PLEC: variants seen among roughly 807,000 people sequenced by gnomAD.
PLEC encodes the protein plectin, also known as hemidesmosomal protein 1.
PLEC carries 216 observed loss-of-function variants against 392.8 expected under a neutral mutation model. That is an observed-to-expected ratio of 0.55 (90% CI 0.49 to 0.62). The LOEUF (loss-of-function observed/expected upper bound fraction) is 0.62, where lower values mean the gene tolerates loss of function less well. PLEC is among the 20% of genes least tolerant of loss of function. PLEC has a pLI of 0.00. For synonymous variants in PLEC, 3,621 were observed against 2,980.6 expected, an observed-to-expected ratio of 1.21 and a Z score of -7.00; for missense variants, 6,863 against 6,563.4, an observed-to-expected ratio of 1.05 and a Z score of -1.58.
In PLEC at chr8:143,918,980, G is replaced by C. The variant is rs1554676787; in HGVS notation, c.10841C>G (p.Thr3614Ser). 6.2e-7 allele frequency: 1 copy of C among 1,611,046 alleles called. No individual in the cohort carries two copies. The highest frequency in any genetic ancestry group is 8.5e-7 in the Non-Finnish European group (1 of 1,179,992). ...GATGATGATGATCATGCGTTCCTTG[G>C]TCACCCGGCCGGCCTGGAAGTCAGC... ...LMADFQAGRV[T>S]KERMIIIIIE... Residue 3614 changes from threonine (T) to serine (S), a missense_variant, in exon 32 of 32, where the codon ACC becomes AGC. By Grantham distance (58) the Thr-to-Ser change is moderately conservative. Coordinates refer to ENST00000345136, the MANE Select transcript of PLEC (RefSeq NM_201384.3).
chr8:143,940,565 G>A (rs1406833494), upstream of PLEC, among the ~76,000 whole-genome samples: 7 of 152,168 alleles, frequency 4.6e-5, no homozygotes, highest in South Asian at 2.1e-4. Flanking sequence ...GGTCCGGGGC[G>A]GAGCTGCCTC....
intron 1 of PLEC, among the ~76,000 whole-genome samples, chr8:143,967,158 T>C (rs1454227500): frequency 6.6e-6 from 1 of 151,218 alleles, no homozygotes; most frequent in Non-Finnish European, 1.5e-5. Flanking sequence ...GGTCAGGAGA[T>C]CGAGACTGTC....
chr8:143,973,300 C>T lies in PLEC; in HGVS notation c.70+103G>A. The T allele has an allele frequency of 7.0e-7, 1 of 1,430,734 alleles. No individual in the cohort carries two copies. Among genetic ancestry groups the T allele is most frequent in the Non-Finnish European group, 9.5e-7 (1 of 1,056,016 alleles). The allele number at this position is 1,430,734 out of a possible 1,614,324, so 88.6% of individuals were successfully genotyped here. A position where few individuals can be genotyped will look rare whatever the true frequency, so the allele number is the denominator to read the frequency against. On this transcript the variant is annotated intron_variant, in intron 1 of 31. Transcript: ENST00000356346. This position sits in a 1 kb window ranked among gnomAD's most constrained non-coding sequence, Gnocchi z 5.6. Reference sequence around the variant, plus strand: ...CAGGCGGACGAGGCCGGCGGAGTGGCCGCGCTCGGGCCGGCGATCGGGACC... The same window carrying T: ...CAGGCGGACGAGGCCGGCGGAGTGGTCGCGCTCGGGCCGGCGATCGGGACC...
At chr8:143,975,022 G>A (rs534747164), upstream of PLEC, among the ~76,000 whole-genome samples, 1 of 152,302 alleles carries the variant, frequency 6.6e-6, no homozygotes, top group Non-Finnish European at 1.5e-5. This position sits in a 1 kb window ranked among gnomAD's most constrained non-coding sequence, Gnocchi z 9.9. Flanking sequence ...GCGCTGTGCC[G>A]CCTGCACTCA....
rs781955123 is a variant in PLEC at position 143,924,446 on chromosome 8, C to G, written c.5483G>C (p.Arg1828Pro). 2.6e-6 allele frequency: 4 copies of G among 1,558,744 alleles called. 1 individual carries two copies. In the Admixed American group the frequency reaches 7.2e-5, roughly 28 times the overall value. Residue 1828 changes from arginine (R) to proline (P), a missense_variant, in exon 31 of 32, where the codon CGG becomes CCG. Coordinates refer to ENST00000345136, the MANE Select transcript of PLEC (RefSeq NM_201384.3). Reference protein sequence around the residue: ...QLAEEDAARQRAEAERVLAEK... With the variant: ...QLAEEDAARQPAEAERVLAEK... ...CGCAAGCACCCGCTCCGCCTCGGCC[C>G]GCTGCCGCGCCGCGTCTTCCTCGGC...
In PLEC at chr8:143,929,545, G is replaced by A. The variant is rs201454700; in HGVS notation, c.2950C>T (p.Arg984Cys). The A allele has an allele frequency of 1.7e-5, 28 of 1,612,606 alleles. 1 individual carries two copies. The East Asian group carries it at 2.9e-4, about 17-fold the overall frequency. The stretch of plus-strand genomic sequence containing the variant: ...ATGTCTTTGAGCTCGGAGATGCAGC[G>A]CTGGCAGCGAGACTCTTCCTGTGCA... Reference protein sequence around the residue: ...QGAQEESRCQRCISELKDIRL... With the variant: ...QGAQEESRCQCCISELKDIRL... Residue 984 changes from arginine (R) to cysteine (C), a missense_variant, in exon 24 of 32, where the codon CGC becomes TGC. Physicochemically the swap from Arg to Cys is radical, Grantham distance 180 (BLOSUM62 -3). Transcript: ENST00000345136.
chr8:143,918,256 G>C lies in PLEC; in HGVS notation c.11565C>G (p.Leu3855=), dbSNP rs782285887. The C allele has an allele frequency of 3.6e-5, 58 of 1,592,014 alleles. No homozygotes were observed. The highest frequency in any genetic ancestry group is 4.9e-5 in the Non-Finnish European group (58 of 1,176,442). Residue 3855 remains leucine (L), a synonymous_variant, in exon 32 of 32, where the codon CTC becomes CTG. Coordinates refer to ENST00000345136, the MANE Select transcript of PLEC (RefSeq NM_201384.3). ...ACCGCCTGAGCAGCTGCGTGTAGCT[G>C]AGGCGCTCGTCGGTGGACGGGTCCA... ...SYVDPSTDER[L]SYTQLLRRCR...
chr8:143,925,727 A>T lies in PLEC; in HGVS notation c.4202T>A (p.Val1401Glu). ...CACCGCCGCCTCCTCCCGCCGCACCACCTCCTCCTGCATGCGCTGCTGCAG... is the reference window on the plus strand; with the variant it reads ...CACCGCCGCCTCCTCCCGCCGCACCTCCTCCTCCTGCATGCGCTGCTGCAG... The part of the protein sequence containing the change: ...KELQQRMQEE[V>E]VRREEAAVDA... The change falls in exon 31 of 32, where the codon GTG becomes GAG. Residue 1401 changes from valine (V) to glutamate (E), a missense_variant. Transcript: ENST00000345136. The T allele has an allele frequency of 6.3e-7, 1 of 1,593,318 alleles. No individual in the cohort carries two copies. Among genetic ancestry groups the T allele is most frequent in the Admixed American group, 1.7e-5 (1 of 59,642 alleles).
chr8:143,975,308 C>T, upstream of PLEC: 1 of 1,611,714 alleles, frequency 6.2e-7, no homozygotes, highest in Non-Finnish European at 8.5e-7. The surrounding 1 kb of genome is among the most constrained non-coding windows in gnomAD (Gnocchi z 9.9). Context: ...GCTGGGCGAG[C>T]CACTGCTTCC....
At chr8:143,955,780 T>C (rs1587384317), upstream of PLEC, among the ~76,000 whole-genome samples, 1 of 151,828 alleles carries the variant, frequency 6.6e-6, no homozygotes, top group South Asian at 2.1e-4. Context: ...TTTAATTTTT[T>C]ATACAGACAG....
chr8:143,954,070 T>C, upstream of PLEC: 2 of 542,352 alleles, frequency 3.7e-6, no homozygotes, highest in Non-Finnish European at 6.1e-6. The surrounding 1 kb of genome is among the most constrained non-coding windows in gnomAD (Gnocchi z 4.6). Context: ...GACGGCCCAC[T>C]CCCCAGCTCC....
In PLEC at chr8:143,915,831, G is replaced by A. The variant is rs546097543; in HGVS notation, c.*346C>T. The stretch of plus-strand genomic sequence containing the variant: ...CCCTCTACAGACAGGGTTGGGCCCA[G>A]CTGCCCTGTGCAGCTAGGACTGGCA... On this transcript the variant is annotated 3_prime_UTR_variant, in exon 32 of 32. Transcript: ENST00000345136. 4.5e-4 allele frequency: 90 copies of A among 201,572 alleles called. No homozygotes were observed. Among genetic ancestry groups the A allele is most frequent in the Non-Finnish European group, 7.8e-4 (79 of 100,668 alleles). The allele number at this position is 201,572 out of a possible 1,614,324, so 12.5% of individuals were successfully genotyped here. A position where few individuals can be genotyped will look rare whatever the true frequency, so the allele number is the denominator to read the frequency against.
chr8:143,919,686 G>T lies in PLEC; in HGVS notation c.10135C>A (p.Leu3379Met). ...VSIYEAMRRG[L>M]LRATTAALLL... is the part of the protein sequence containing the mutation. Reference sequence around the variant, plus strand: ...AGCGCAGCCGTTGTGGCTCTCAGCAGGCCCCGGCGCATGGCCTCGTAGATG... The same window carrying T: ...AGCGCAGCCGTTGTGGCTCTCAGCATGCCCCGGCGCATGGCCTCGTAGATG... The change falls in exon 32 of 32, where the codon CTG (leucine) becomes ATG (methionine). Residue 3379 changes from leucine (L) to methionine (M), a missense_variant. Leu to Met is a conservative substitution (Grantham distance 15, BLOSUM62 2). Transcript: ENST00000345136. 1 of 1,601,888 alleles carries T rather than the reference G, an allele frequency of 6.2e-7. No homozygotes were observed.
In PLEC at chr8:143,919,947, C is replaced by T. The variant is rs782650325; in HGVS notation, c.9874G>A (p.Val3292Met). ...TGCCGCAGGGTCTCCACCTCCTCCA[C>T]GATGGTAATGAGAATCTTGATGACC... is the stretch of plus-strand genomic sequence containing the variant. The part of the protein sequence containing the change: ...EKVIKILITI[V>M]EEVETLRQER... Residue 3292 changes from valine (V) to methionine (M), a missense_variant, in exon 32 of 32, where the codon GTG becomes ATG. Transcript: ENST00000345136. 1.3e-5 allele frequency: 21 copies of T among 1,613,296 alleles called. No individual in the cohort carries two copies. The highest frequency in any genetic ancestry group is 5.0e-5 in the Admixed American group (3 of 60,010).
upstream of PLEC, chr8:143,958,612 C>A: frequency 2.2e-6 from 1 of 445,932 alleles, no homozygotes; most frequent in Admixed American, 2.4e-5. The surrounding 1 kb of genome is among the most constrained non-coding windows in gnomAD (Gnocchi z 4.9). Flanking sequence ...CACTGGACAA[C>A]AGCAGCCAGT....
rs184952405 is a variant in PLEC at position 143,919,285 on chromosome 8, G to T, written c.10536C>A (p.Phe3512Leu). 1.3e-5 allele frequency: 21 copies of T among 1,614,030 alleles called. No individual in the cohort carries two copies. In the East Asian group the frequency reaches 4.0e-4, roughly 31 times the overall value. The stretch of plus-strand genomic sequence containing the variant: ...GGTTCTCATGCGTGTTGGGGTCAAA[G>T]AAGCCCTTGGTGTCGTCGCTGGGGT... ...LADPSDDTKG[F>L]FDPNTHENLT... Residue 3512 changes from phenylalanine (F) to leucine (L), a missense_variant, in exon 32 of 32, where the codon TTC becomes TTA. Transcript: ENST00000345136.
chr8:143,957,640 C>T (rs1832662750), upstream of PLEC, among the ~76,000 whole-genome samples: 1 of 152,220 alleles, frequency 6.6e-6, no homozygotes, highest in Non-Finnish European at 1.5e-5. Context: ...TCCTCTTCAC[C>T]AGTCCCCAGG....
intron 2 of PLEC, 43 bp from the exon 3 acceptor site, chr8:143,938,283 C>T (rs781890993): frequency 6.4e-6 from 10 of 1,554,440 alleles, no homozygotes; most frequent in Non-Finnish European, 7.8e-6. Context: ...CCCCCAGAGC[C>T]ACCAATAGGC....
chr8:143,923,257 G>A lies in PLEC; in HGVS notation c.6672C>T (p.Ser2224=). 3 of 1,605,376 alleles carry A rather than the reference G, an allele frequency of 1.9e-6. No homozygotes were observed. Among genetic ancestry groups the A allele is most frequent in the Non-Finnish European group, 1.7e-6 (2 of 1,179,776 alleles). Residue 2224 remains serine (S), a synonymous_variant, in exon 31 of 32, where the codon AGC becomes AGT. Coordinates refer to ENST00000345136, the MANE Select transcript of PLEC (RefSeq NM_201384.3). ...CCGAGAAGAGCTCCTCCTCCACCTG[G>A]CTGCGCTGGCGTGCGGCCTCCGTGG... is the stretch of plus-strand genomic sequence containing the variant. The part of the protein sequence containing the change: ...AEATEAARQR[S]QVEEELFSVR...
Sources: allele counts gnomAD v4.1 joint callset (sites outside exome capture counted in the v4.1 genomes callset), GRCh38; gene constraint gnomAD v4.1.1; non-coding constraint Gnocchi (gnomAD v3.1); transcripts MANE v1.5; gene names NCBI Gene and HGNC (gene_info 2026-07-23, HGNC 2026-07-21).